The following PPP1R12B variants were observed in gnomAD, a reference collection of about 807,000 sequenced individuals.
PPP1R12B encodes myosin phosphatase target subunit 2.
Under a neutral mutation model 126.1 loss-of-function variants are expected in PPP1R12B, and 76 were observed. The ratio of observed to expected loss-of-function variants is 0.60; its 90% CI spans 0.50 to 0.73. The LOEUF is 0.73. Among genes scored for constraint, PPP1R12B ranks in the 30% least tolerant of loss-of-function variants. The probability of loss-of-function intolerance (pLI) is 0.00; values close to 1 mark genes in which losing one functional copy is unlikely to be tolerated. For missense variants in PPP1R12B, 1,052 were observed against 1,205.1 expected, an observed-to-expected ratio of 0.87 and a Z score of 1.88; for synonymous variants, 356 against 434.7, an observed-to-expected ratio of 0.82 and a Z score of 2.25.
At chr1:202,546,992 A>G (rs705748) in intron 18 of PPP1R12B, among the ~76,000 whole-genome samples, 152,199 of 152,334 alleles carry the variant, frequency 1, 76,032 homozygotes, top group Middle Eastern at 1. Context: ...TCTTTGTTCA[A>G]AGGTATTGTG....
intron 10 of PPP1R12B, among the ~76,000 whole-genome samples, 193 bp from the exon 11 acceptor site, chr1:202,440,513 G>GT (rs993247309): frequency 4.6e-5 from 7 of 152,032 alleles, no homozygotes; most frequent in Non-Finnish European, 7.4e-5. Flanking sequence ...CCTTCATACT[G>GT]TTTTTTAATG....
At chr1:202,500,958 C>T (rs1680160917) in intron 18 of PPP1R12B, among the ~76,000 whole-genome samples, 1 of 152,176 alleles carries the variant, frequency 6.6e-6, no homozygotes, top group Non-Finnish European at 1.5e-5. Context: ...CCTACTTAAG[C>T]CCAACATAGT....
At chr1:202,454,254 T>G (rs1020837957) in intron 13 of PPP1R12B, among the ~76,000 whole-genome samples, 2 of 152,208 alleles carry the variant, frequency 1.3e-5, no homozygotes, top group African/African-American at 4.8e-5. Flanking sequence ...AGACCAGATA[T>G]ATGAATCAAA....
intron 1 of PPP1R12B, among the ~76,000 whole-genome samples, chr1:202,355,549 G>A (rs1342525410): frequency 6.6e-6 from 1 of 152,172 alleles, no homozygotes; most frequent in Admixed American, 6.5e-5. Context: ...AAGGGTTAGA[G>A]ATGAGAGAGA....
chr1:202,515,685 CT>C (rs1477712341), intron 18 of PPP1R12B, among the ~76,000 whole-genome samples: 5 of 152,142 alleles, frequency 3.3e-5, no homozygotes, highest in African/African-American at 1.2e-4. Context: ...TCCCAAGTAG[CT>C]GAGATGATAG....
chr1:202,547,337 T>C (rs1372607586), intron 18 of PPP1R12B, among the ~76,000 whole-genome samples: 2 of 152,234 alleles, frequency 1.3e-5, no homozygotes, highest in Non-Finnish European at 2.9e-5. Context: ...TTTATTCTAT[T>C]CTTGACCTGG....
intron 23 of PPP1R12B, among the ~76,000 whole-genome samples, chr1:202,580,066 C>T (rs933511035): frequency 3.3e-5 from 5 of 152,110 alleles, no homozygotes; most frequent in Non-Finnish European, 5.9e-5. Flanking sequence ...ACCACCACCC[C>T]CTTTCTGAAT....
chr1:202,403,102 A>G (rs1228921761), intron 1 of PPP1R12B, among the ~76,000 whole-genome samples: 1 of 152,130 alleles, frequency 6.6e-6, no homozygotes, highest in East Asian at 1.9e-4. Flanking sequence ...AGTAAAGGGG[A>G]TGGGCAGGTA....
At chr1:202,455,043 A>G (rs1000177596) in intron 13 of PPP1R12B, among the ~76,000 whole-genome samples, 2 of 152,158 alleles carry the variant, frequency 1.3e-5, no homozygotes, top group African/African-American at 2.4e-5. Flanking sequence ...GGGAGTGGGC[A>G]TTGCAAACAA....
Position 202,439,377 on chromosome 1 carries a change from G to A in PPP1R12B, c.1459-1329G>A, listed in dbSNP as rs1396937501. The A allele has an allele frequency of 1.0e-4, 133 of 1,293,322 alleles. No homozygotes were observed. The African/African-American group carries it at 1.5e-3, about 15-fold the overall frequency. The allele number at this position is 1,293,322 out of a possible 1,614,324, so 80.1% of individuals were successfully genotyped here. The stretch of plus-strand genomic sequence containing the variant: ...GATCCACGCAGAACTCTTGAAGCTG[G>A]TGAAGAAGCACGCGGCACAGCGGAG... On this transcript the variant is annotated intron_variant, in intron 10 of 23. Transcript: ENST00000608999.
chr1:202,546,695 T>C (rs1000383395), intron 18 of PPP1R12B, among the ~76,000 whole-genome samples: 4 of 152,142 alleles, frequency 2.6e-5, no homozygotes, highest in African/African-American at 9.7e-5. Context: ...ACTTTGGATA[T>C]GTTAAATTAG....
rs374719491 is a variant in PPP1R12B at position 202,535,933 on chromosome 1, T to C, written c.2491-22944T>C. On this transcript the variant is annotated intron_variant, in intron 18 of 23. Transcript: ENST00000608999. Reference sequence around the variant, plus strand: ...TTTCTGGAGAATTTATCTCTGTTTCTCTGTATATCTGATGTGTTCCTGCAA... The same window carrying C: ...TTTCTGGAGAATTTATCTCTGTTTCCCTGTATATCTGATGTGTTCCTGCAA... 6.1e-4 allele frequency among the ~76,000 whole-genome samples: 93 copies of C among 152,364 alleles called. No homozygotes were observed. In the South Asian group the frequency reaches 0.011, roughly 18 times the overall value.
chr1:202,561,636 A>G (rs1687543989), intron 19 of PPP1R12B, among the ~76,000 whole-genome samples: 1 of 152,242 alleles, frequency 6.6e-6, no homozygotes, highest in African/African-American at 2.4e-5. Flanking sequence ...ATACTTCAGT[A>G]TGAACTTTTT....
At chr1:202,448,401 C>G (rs1399039481) in intron 12 of PPP1R12B, 3 of 152,292 alleles carry the variant, frequency 2.0e-5, no homozygotes, top group Non-Finnish European at 4.4e-5. Context: ...TGAATATAGA[C>G]AATTAGGCAT....
chr1:202,444,341 G>C (rs547158484), intron 12 of PPP1R12B, among the ~76,000 whole-genome samples: 1 of 152,032 alleles, frequency 6.6e-6, no homozygotes, highest in Admixed American at 6.5e-5. Flanking sequence ...TTTGAAATTT[G>C]AACCCAAATA....
intron 1 of PPP1R12B, among the ~76,000 whole-genome samples, chr1:202,399,876 G>A (rs1665569938): frequency 6.6e-6 from 1 of 151,884 alleles, no homozygotes; most frequent in Admixed American, 6.6e-5. Context: ...AGATTCAGGG[G>A]GTACATGTAC....
rs1342054736 is a variant in PPP1R12B, at chr1:202,588,383, G to GTATT, written c.*7825_*7828dup. 1.3e-5 allele frequency: 2 copies of GTATT among 152,572 alleles called. No homozygotes were observed. The highest frequency in any genetic ancestry group is 2.9e-5 in the Non-Finnish European group (2 of 68,030). 9.5% of individuals were successfully genotyped at this position (152,572 alleles called of 1,614,324 possible). A position where few individuals can be genotyped will look rare whatever the true frequency, so the allele number is the denominator to read the frequency against. On this transcript the variant is annotated 3_prime_UTR_variant, in exon 24 of 24. Transcript: ENST00000608999. The stretch of plus-strand genomic sequence containing the variant: ...GCCAGACTTGCTTTGTGAACTGAAT[G>GTATT]TATTTTTATGCAATTTTGAGTGGCC...
intron 19 of PPP1R12B, 98 bp downstream of exon 19, chr1:202,558,991 C>A (rs1029357189): frequency 1.6e-6 from 2 of 1,244,496 alleles, no homozygotes; most frequent in South Asian, 1.6e-5. Context: ...TAATGTTTCT[C>A]ACATCCTTTC....
At position 202,417,043 on chromosome 1, in the gene PPP1R12B, A is replaced by G. The variant is rs567313559; in HGVS notation, c.422+126A>G. 1.3e-5 allele frequency: 15 copies of G among 1,187,800 alleles called. No individual in the cohort carries two copies. In the African/African-American group the frequency reaches 2.4e-4, roughly 19 times the overall value. The allele number at this position is 1,187,800 out of a possible 1,614,324, so 73.6% of individuals were successfully genotyped here. On this transcript the variant is annotated intron_variant, in intron 2 of 23. Transcript: ENST00000608999. ...TCTCTTTATTACAGATTACAAAAGC[A>G]GAAAGTTGAATTATCTTTAAGCCAT...
Sources: allele counts gnomAD v4.1 joint callset (sites outside exome capture counted in the v4.1 genomes callset), GRCh38; gene constraint gnomAD v4.1.1; transcripts MANE v1.5; gene names NCBI Gene and HGNC (gene_info 2026-07-23, HGNC 2026-07-21).